FNDC3B: variants seen among roughly 807,000 people sequenced by gnomAD.
The protein encoded by FNDC3B is fibronectin type III domain-containing protein 3B.
Under a neutral mutation model 151.5 loss-of-function variants are expected in FNDC3B, and 12 were observed. That is an observed-to-expected ratio of 0.08 (90% CI 0.05 to 0.13). FNDC3B has a LOEUF of 0.13. Among genes scored for constraint, FNDC3B ranks in the 10% least tolerant of loss-of-function variants. FNDC3B has a pLI of 1.00. For synonymous variants in FNDC3B, 528 were observed against 549.0 expected (o/e 0.96, Z 0.54); for missense variants, 1,214 against 1,505.3 (o/e 0.81, Z 3.20).
At chr3:172,194,920 G>A (rs145672114) in intron 3 of FNDC3B, among the ~76,000 whole-genome samples, 4 of 152,198 alleles carry the variant, frequency 2.6e-5, no homozygotes, top group East Asian at 3.9e-4. Context: ...GCGAAGTAAC[G>A]GCTTCTTAGG....
At chr3:172,341,601 A>G (rs1024373972) in intron 17 of FNDC3B, among the ~76,000 whole-genome samples, 2 of 152,254 alleles carry the variant, frequency 1.3e-5, no homozygotes, top group Non-Finnish European at 2.9e-5. Context: ...TAAGACCTGC[A>G]CAGCACTGCT....
At chr3:172,289,017 GC>G (rs1234109990) in intron 7 of FNDC3B, among the ~76,000 whole-genome samples, 1 of 152,178 alleles carries the variant, frequency 6.6e-6, no homozygotes, top group Non-Finnish European at 1.5e-5. Context: ...TCCTATTGCT[GC>G]TGTAATGATT....
intron 1 of FNDC3B, among the ~76,000 whole-genome samples, chr3:172,078,862 C>G (rs900820695): frequency 1.3e-5 from 2 of 152,158 alleles, no homozygotes; most frequent in Admixed American, 6.5e-5. Flanking sequence ...CCAAGGCAGC[C>G]TGCTAAAGGA....
intron 1 of FNDC3B, among the ~76,000 whole-genome samples, chr3:172,084,061 C>T (rs1718422689): frequency 6.6e-6 from 1 of 151,928 alleles, no homozygotes; most frequent in South Asian, 2.1e-4. Context: ...GTTCTGTGGC[C>T]TTTGGATCAG....
intron 2 of FNDC3B, among the ~76,000 whole-genome samples, chr3:172,124,320 G>A (rs1331939496): frequency 6.6e-6 from 1 of 152,222 alleles, no homozygotes; most frequent in African/African-American, 2.4e-5. Flanking sequence ...CGAAGTCCCA[G>A]CCTCAAGTGA....
At chr3:172,278,743 A>G (rs909996061) in intron 6 of FNDC3B, among the ~76,000 whole-genome samples, 15 of 152,248 alleles carry the variant, frequency 9.9e-5, no homozygotes, top group African/African-American at 3.4e-4. Flanking sequence ...CCTGGCCAAC[A>G]TGGTGAAACC....
At chr3:172,261,356 CCTT>C (rs1728638957) in intron 6 of FNDC3B, among the ~76,000 whole-genome samples, 1 of 152,134 alleles carries the variant, frequency 6.6e-6, no homozygotes, top group Non-Finnish European at 1.5e-5. Flanking sequence ...CATTGCTTCT[CCTT>C]CTGTGGAATG....
rs578119961 is a variant in FNDC3B at position 172,237,401 on chromosome 3, C to G, written c.265-10132C>G. On this transcript the variant is annotated intron_variant, in intron 4 of 25. Coordinates refer to ENST00000415807, the MANE Select transcript of FNDC3B (RefSeq NM_022763.4). ...ATTGGGCTGTATCACACTATGCTGA[C>G]AGGGTGGTCGCACTAAGTTCAGCAT... 16 of 152,260 alleles carry G rather than the reference C, an allele frequency of 1.1e-4. 1 individual carries two copies. The highest frequency in any genetic ancestry group is 1.0e-3 in the Admixed American group (16 of 15,290). 9.4% of individuals were successfully genotyped at this position (152,260 alleles called of 1,614,324 possible).
chr3:172,269,911 T>G (rs566099549), intron 6 of FNDC3B, among the ~76,000 whole-genome samples: 2 of 152,312 alleles, frequency 1.3e-5, no homozygotes, highest in African/African-American at 4.8e-5. Flanking sequence ...CCTCCCAAAG[T>G]GCTGGGATTA....
chr3:172,076,510 T>G (rs1488409250), intron 1 of FNDC3B, among the ~76,000 whole-genome samples: 2 of 152,218 alleles, frequency 1.3e-5, no homozygotes, highest in Non-Finnish European at 2.9e-5. Flanking sequence ...CTCTCTTCAT[T>G]GTGAGTTCCT....
intron 1 of FNDC3B, among the ~76,000 whole-genome samples, chr3:172,108,675 G>T (rs976625260): frequency 2.0e-5 from 3 of 152,240 alleles, no homozygotes; most frequent in Admixed American, 2.0e-4. Flanking sequence ...TTTAACTGTT[G>T]ATGGTTTTGC....
chr3:172,267,511 A>G (rs745376253), intron 6 of FNDC3B, among the ~76,000 whole-genome samples: 4 of 152,212 alleles, frequency 2.6e-5, no homozygotes, highest in Non-Finnish European at 5.9e-5. Flanking sequence ...TGCTATAACA[A>G]CTGTGCTGGA....
chr3:172,309,798 C>T (rs1731376868), intron 10 of FNDC3B, among the ~76,000 whole-genome samples: 1 of 152,108 alleles, frequency 6.6e-6, no homozygotes, highest in African/African-American at 2.4e-5. Context: ...TACATATTCT[C>T]CCAATTATTT....
At chr3:172,257,708 A>C (rs1728429324) in intron 6 of FNDC3B, among the ~76,000 whole-genome samples, 1 of 152,040 alleles carries the variant, frequency 6.6e-6, no homozygotes, top group African/African-American at 2.4e-5. Flanking sequence ...TCCAGCCCTC[A>C]CCTGGGTCCT....
Position 172,074,589 on chromosome 3 carries a change from G to A in FNDC3B, c.-29+34818G>A, listed in dbSNP as rs770183613. Among the ~76,000 whole-genome samples the A allele has an allele frequency of 3.5e-4, 54 of 152,190 alleles. 2 individuals carry two copies. Among genetic ancestry groups the A allele is most frequent in the Non-Finnish European group, 1.2e-4 (8 of 68,032 alleles). ...ATCTTGTCTTTTGGCTGTAGAGTATGATTTCATGGTGGAGGATGTTGCAGA... is the reference window on the plus strand; with the variant it reads ...ATCTTGTCTTTTGGCTGTAGAGTATAATTTCATGGTGGAGGATGTTGCAGA... On this transcript the variant is annotated intron_variant, in intron 1 of 25. Coordinates refer to ENST00000415807, the MANE Select transcript of FNDC3B (RefSeq NM_022763.4).
At chr3:172,055,642 C>T (rs1292194937) in intron 1 of FNDC3B, among the ~76,000 whole-genome samples, 6 of 152,024 alleles carry the variant, frequency 3.9e-5, no homozygotes, top group African/African-American at 1.4e-4. Context: ...GAAGTGTTTG[C>T]CATTAACGTT....
chr3:172,090,084 G>A (rs1372583913), intron 1 of FNDC3B, among the ~76,000 whole-genome samples: 1 of 152,118 alleles, frequency 6.6e-6, no homozygotes, highest in Non-Finnish European at 1.5e-5. Flanking sequence ...CGAATTTCCA[G>A]ATATTAATAT....
At chr3:172,283,731 T>C (rs1378612346) in intron 6 of FNDC3B, among the ~76,000 whole-genome samples, 1 of 152,216 alleles carries the variant, frequency 6.6e-6, no homozygotes, top group Non-Finnish European at 1.5e-5. Flanking sequence ...TATGTTTTGT[T>C]TTGATTTTTT....
chr3:172,298,849 G>GTACT (rs1730764900), intron 9 of FNDC3B, 62 bp downstream of exon 9: 3 of 1,229,890 alleles, frequency 2.4e-6, no homozygotes, highest in Non-Finnish European at 2.3e-6. Context: ...GCAAAAACAT[G>GTACT]TACTCCCTTT....
Sources: gnomAD v4.1 joint callset for allele counts (sites outside exome capture counted in the v4.1 genomes callset) on GRCh38, gnomAD v4.1.1 for gene constraint, MANE v1.5 for transcripts, NCBI Gene and HGNC (gene_info 2026-07-23, HGNC 2026-07-21) for gene names.